Variants in NRXN3 observed in about 807,000 individuals in gnomAD.
NRXN3 encodes neurexin III.
Under a neutral mutation model 137.6 loss-of-function variants are expected in NRXN3, and 32 were observed. That is an observed-to-expected ratio of 0.23 (90% CI 0.18 to 0.31). The LOEUF is 0.31. Among genes scored for constraint, NRXN3 ranks in the 10% least tolerant of loss-of-function variants. NRXN3 has a pLI of 1.00. For missense variants in NRXN3, 1,574 were observed against 2,062.5 expected (o/e 0.76, Z 4.59); for synonymous variants, 798 against 784.5 (o/e 1.02, Z -0.29).
At chr14:78,575,291 G>A (rs1029954368) in intron 4 of NRXN3, among the ~76,000 whole-genome samples, 1 of 152,178 alleles carries the variant, frequency 6.6e-6, no homozygotes, top group Admixed American at 6.5e-5. Context: ...GTGATCATAG[G>A]ATGGTAATAT....
intron 15 of NRXN3, among the ~76,000 whole-genome samples, chr14:79,459,358 T>C (rs978282383): frequency 7.2e-5 from 11 of 152,090 alleles, no homozygotes; most frequent in South Asian, 2.1e-4. Context: ...GACCTTGCTT[T>C]ATTTTTCAGT....
intron 4 of NRXN3, chr14:78,526,647 C>A: frequency 2.6e-6 from 1 of 392,124 alleles, no homozygotes; most frequent in South Asian, 2.0e-5. Flanking sequence ...ATAATAGTAA[C>A]TAACAATTAA....
intron 15 of NRXN3, among the ~76,000 whole-genome samples, chr14:79,300,191 T>C (rs1171373456): frequency 6.6e-6 from 1 of 152,070 alleles, no homozygotes; most frequent in Non-Finnish European, 1.5e-5. Context: ...TGTTAAGTAA[T>C]CTGCTCTAGG....
At chr14:78,199,204 G>A (rs2061471125) in intron 1 of NRXN3, among the ~76,000 whole-genome samples, 1 of 152,192 alleles carries the variant, frequency 6.6e-6, no homozygotes, top group South Asian at 2.1e-4. Flanking sequence ...ATCTTGGCCA[G>A]AGCTGTTGGA....
At chr14:78,893,923 G>A (rs2099166428) in intron 10 of NRXN3, among the ~76,000 whole-genome samples, 1 of 151,910 alleles carries the variant, frequency 6.6e-6, no homozygotes, top group Non-Finnish European at 1.5e-5. Context: ...AGTCTATTAA[G>A]TATGCAATAG....
At chr14:79,614,173 G>A (rs2098132111) in intron 16 of NRXN3, among the ~76,000 whole-genome samples, 1 of 152,232 alleles carries the variant, frequency 6.6e-6, no homozygotes, top group South Asian at 2.1e-4. Context: ...AGGCAGTTCA[G>A]CTCTGTGATG....
chr14:79,218,694 T>A (rs115749226), intron 15 of NRXN3, among the ~76,000 whole-genome samples: 2,994 of 152,184 alleles, frequency 0.02, 99 homozygotes, highest in African/African-American at 0.069. Flanking sequence ...AAAAGAGTCT[T>A]ATGGCAAAAA....
intron 4 of NRXN3, among the ~76,000 whole-genome samples, chr14:78,457,066 T>G (rs1304638014): frequency 8.5e-6 from 1 of 117,382 alleles, no homozygotes; most frequent in Non-Finnish European, 1.7e-5. Context: ...CTCTTTCTCC[T>G]CCCACTCTGT....
chr14:78,207,408 A>G (rs577431042), intron 1 of NRXN3, among the ~76,000 whole-genome samples: 53 of 152,224 alleles, frequency 3.5e-4, no homozygotes, highest in African/African-American at 1.3e-3. Flanking sequence ...TCCCCAGTTG[A>G]TACCTCTAGC....
chr14:79,719,314 T>A (rs1233379977), intron 19 of NRXN3, among the ~76,000 whole-genome samples: 1 of 149,420 alleles, frequency 6.7e-6, no homozygotes, highest in Admixed American at 6.8e-5. Context: ...TATGTGTATG[T>A]ATACACGCGT....
rs1041812198 is a variant in NRXN3, at chr14:79,864,695, A to T, written c.*2731A>T. The T allele has an allele frequency of 2.0e-5, 3 of 152,208 alleles. No individual in the cohort carries two copies. The highest frequency in any genetic ancestry group is 4.8e-5 in the African/African-American group (2 of 41,458). The allele number at this position is 152,208 out of a possible 1,614,324, so 9.4% of individuals were successfully genotyped here. A position where few individuals can be genotyped will look rare whatever the true frequency, so the allele number is the denominator to read the frequency against. On this transcript the variant is annotated 3_prime_UTR_variant, in exon 21 of 21. Transcript: ENST00000335750. ...GATGATAGAAACATTGTATTCTAGA[A>T]AAGATTATTGGATACTATGGTTTTG...
At chr14:78,333,729 G>T (rs214000) in intron 4 of NRXN3, among the ~76,000 whole-genome samples, 70,851 of 151,882 alleles carry the variant, frequency 0.47, 16,816 homozygotes, top group Admixed American at 0.57. Context: ...AGGTGTGTGT[G>T]GGGGGCATAT....
At chr14:79,630,300 G>C (rs1019997370) in intron 16 of NRXN3, among the ~76,000 whole-genome samples, 11 of 152,180 alleles carry the variant, frequency 7.2e-5, no homozygotes, top group Non-Finnish European at 1.5e-4. Context: ...ACAACTTTGA[G>C]CCTGTTCATT....
At chr14:78,756,262 C>T (rs1195044641) in intron 8 of NRXN3, among the ~76,000 whole-genome samples, 1 of 152,066 alleles carries the variant, frequency 6.6e-6, no homozygotes, top group African/African-American at 2.4e-5. Flanking sequence ...CTGAGGTGGG[C>T]AGATCACCTG....
chr14:78,899,559 A>G (rs2099188891), intron 10 of NRXN3, among the ~76,000 whole-genome samples: 1 of 151,996 alleles, frequency 6.6e-6, no homozygotes, highest in Non-Finnish European at 1.5e-5. Flanking sequence ...TGAGATTTGC[A>G]ACCTTTTAAG....
chr14:78,478,281 GT>G (rs1486877438), intron 4 of NRXN3, among the ~76,000 whole-genome samples: 1 of 152,248 alleles, frequency 6.6e-6, no homozygotes, highest in African/African-American at 2.4e-5. Flanking sequence ...AGATACTGCA[GT>G]GCACAGAGAC....
At chr14:78,663,115 A>T (rs1054740590) in intron 6 of NRXN3, among the ~76,000 whole-genome samples, 3 of 152,192 alleles carry the variant, frequency 2.0e-5, no homozygotes, top group Non-Finnish European at 4.4e-5. Context: ...TTTCCCACTT[A>T]CATCATTCTA....
At chr14:78,442,145 T>C (rs1161834765) in intron 4 of NRXN3, among the ~76,000 whole-genome samples, 1 of 150,012 alleles carries the variant, frequency 6.7e-6, no homozygotes, top group Admixed American at 6.6e-5. Context: ...GGTGCATGAC[T>C]GTAGTCCCAA....
intron 15 of NRXN3, among the ~76,000 whole-genome samples, chr14:79,284,187 G>A (rs1482303181): frequency 2.0e-5 from 3 of 149,456 alleles, no homozygotes; most frequent in Non-Finnish European, 3.0e-5. Context: ...CTCTCTTAAA[G>A]GTCATTGGAC....
Sources: allele counts gnomAD v4.1 joint callset (sites outside exome capture counted in the v4.1 genomes callset), GRCh38; gene constraint gnomAD v4.1.1; transcripts MANE v1.5; gene names NCBI Gene and HGNC (gene_info 2026-07-23, HGNC 2026-07-21).